Variants in FLNB observed in about 807,000 individuals in gnomAD.
FLNB encodes filamin-B.
In FLNB, 111 loss-of-function variants were observed where a neutral mutation model predicts 250.6. The observed-to-expected ratio is 0.44, with a 90% CI of 0.38 to 0.52. The LOEUF is 0.52. FLNB is among the 20% of genes least tolerant of loss of function. FLNB has a pLI of 0.00. For synonymous variants in FLNB, 1,302 were observed against 1,372.1 expected, an observed-to-expected ratio of 0.95 and a Z score of 1.13; for missense variants, 2,869 against 3,447.8, an observed-to-expected ratio of 0.83 and a Z score of 4.20.
At position 58,164,887 on chromosome 3, in the gene FLNB, A is replaced by C. The variant is rs1018757877; in HGVS notation, c.7198+1557A>C. On this transcript the variant is annotated intron_variant, in intron 43 of 45. Coordinates refer to ENST00000295956, the MANE Select transcript of FLNB (RefSeq NM_001457.4). This position sits in a 1 kb window ranked among gnomAD's most constrained non-coding sequence, Gnocchi z 4.0. Reference sequence around the variant, plus strand: ...AGGAGGCAGAACCAGGAATCAGTCTACATCCGTGACCTCAGAGCCTATGCG... The same window carrying C: ...AGGAGGCAGAACCAGGAATCAGTCTCCATCCGTGACCTCAGAGCCTATGCG... The C allele has an allele frequency of 6.6e-6, 1 of 152,552 alleles. No homozygotes were observed. Among genetic ancestry groups the C allele is most frequent in the Non-Finnish European group, 1.5e-5 (1 of 68,302 alleles). The allele number at this position is 152,552 out of a possible 1,614,324, so 9.4% of individuals were successfully genotyped here.
At chr3:58,064,069 A>G (rs1198599519) in intron 1 of FLNB, among the ~76,000 whole-genome samples, 1 of 152,148 alleles carries the variant, frequency 6.6e-6, no homozygotes, top group Non-Finnish European at 1.5e-5. Context: ...ATTTCAAGCC[A>G]ATTTAACTTT....
At chr3:58,039,310 TAAAAAAA>T (rs80189625) in intron 1 of FLNB, among the ~76,000 whole-genome samples, 1 of 128,340 alleles carries the variant, frequency 7.8e-6, no homozygotes, top group Non-Finnish European at 1.7e-5. Context: ...ATTTGATAGG[TAAAAAAA>T]AAAAAAAAGG....
At chr3:58,116,330 T>A (rs1385321482) in intron 18 of FLNB, among the ~76,000 whole-genome samples, 1 of 152,120 alleles carries the variant, frequency 6.6e-6, no homozygotes, top group Non-Finnish European at 1.5e-5. Flanking sequence ...AGTTTTAGGG[T>A]ATAACAGGCT....
intron 38 of FLNB, chr3:58,150,438 T>C: frequency 1.6e-6 from 1 of 612,624 alleles, no homozygotes; most frequent in Non-Finnish European, 2.9e-6. Context: ...CTTGCTACCT[T>C]TTTCCTCTTC....
At chr3:58,113,681 T>TA in intron 18 of FLNB, among the ~76,000 whole-genome samples, 1 of 152,314 alleles carries the variant, frequency 6.6e-6, no homozygotes, top group South Asian at 2.1e-4. Context: ...TTTTTATTTT[T>TA]ATTTATTTAT....
chr3:58,145,732 G>A (rs925423671), intron 32 of FLNB, among the ~76,000 whole-genome samples, 189 bp from the exon 33 acceptor site: 7 of 152,252 alleles, frequency 4.6e-5, no homozygotes, highest in Middle Eastern at 3.4e-3. Context: ...ATAATACTGC[G>A]TAGACCCTCT....
Position 58,148,583 on chromosome 3 carries a change from AGT to A in FLNB, c.5888-61_5888-60del, listed in dbSNP as rs1202823907. On this transcript the variant is annotated intron_variant, in intron 35 of 45. Coordinates refer to ENST00000295956, the MANE Select transcript of FLNB (RefSeq NM_001457.4). ...AAGAGGACATATTTCTATTTCTGAGAGTGTGTCTCTCTCCTGCTTCCTCTCCG... is the reference window on the plus strand; with the variant it reads ...AAGAGGACATATTTCTATTTCTGAGAGTGTCTCTCTCCTGCTTCCTCTCCG... 37 of 1,403,056 alleles carry A rather than the reference AGT, an allele frequency of 2.6e-5. 1 individual carries two copies. Among genetic ancestry groups the A allele is most frequent in the Middle Eastern group, 3.5e-4 (2 of 5,706 alleles). The allele number at this position is 1,403,056 out of a possible 1,614,324, so 86.9% of individuals were successfully genotyped here.
In FLNB at chr3:58,123,605, G is replaced by A. The variant is rs1305422553; in HGVS notation, c.3639G>A (p.Val1213=). 1 of 1,612,520 alleles carries A rather than the reference G, an allele frequency of 6.2e-7. No homozygotes were observed. The highest frequency in any genetic ancestry group is 1.7e-5 in the Admixed American group (1 of 59,920). The stretch of plus-strand genomic sequence containing the variant: ...CCATGAAGTATGGTGGCGAACTCGT[G>A]CCACACTTCCCCGCCCGGGTCAAGG... ...TLTMKYGGEL[V]PHFPARVKVE... Residue 1213 remains valine, a synonymous_variant, in exon 21 of 46, where the codon GTG becomes GTA. Coordinates refer to ENST00000295956, the MANE Select transcript of FLNB (RefSeq NM_001457.4).
chr3:58,152,766 T>A (rs1224229261), intron 38 of FLNB: 2 of 1,338,126 alleles, frequency 1.5e-6, no homozygotes, highest in African/African-American at 3.0e-5. Flanking sequence ...TGCAGTTTCA[T>A]ACTGGCTCTA....
At chr3:58,071,689 T>C (rs2097194830) in intron 1 of FLNB, among the ~76,000 whole-genome samples, 2 of 152,180 alleles carry the variant, frequency 1.3e-5, no homozygotes, top group African/African-American at 4.8e-5. Context: ...TGTGGAATAG[T>C]GTCTGTCCAT....
intron 4 of FLNB, among the ~76,000 whole-genome samples, chr3:58,084,410 T>TGTTAATGTGAGA (rs1244218709): frequency 6.6e-6 from 1 of 152,200 alleles, no homozygotes; most frequent in Non-Finnish European, 1.5e-5. Context: ...GCTTCCCTGT[T>TGTTAATGTGAGA]GTTAATGTGA....
At chr3:58,088,173 G>A (rs1445637054) in intron 4 of FLNB, among the ~76,000 whole-genome samples, 13 of 149,364 alleles carry the variant, frequency 8.7e-5, no homozygotes, top group African/African-American at 1.2e-4. Context: ...TCAGCCTCCC[G>A]AGTAGCTGAG....
intron 1 of FLNB, among the ~76,000 whole-genome samples, chr3:58,022,965 A>G (rs2097116260): frequency 6.7e-6 from 1 of 149,752 alleles, no homozygotes; most frequent in South Asian, 2.1e-4. Context: ...ATATAGTTGC[A>G]TGCCACCACA....
At chr3:58,123,018 A>G (rs1576757804) in intron 20 of FLNB, 75 bp from the exon 21 acceptor site, 2 of 1,306,384 alleles carry the variant, frequency 1.5e-6, no homozygotes, top group East Asian at 2.3e-5. Context: ...TGCTGATTAT[A>G]TGCATGGGTG....
chr3:58,159,680 G>A lies in FLNB; in HGVS notation c.7015G>A (p.Glu2339Lys). The change falls in exon 42 of 46, where the codon GAG becomes AAG. Residue 2339 changes from glutamate (E) to lysine (K), a missense_variant. Transcript: ENST00000295956. ...GGAGGAGTGCCACGTGTCTGAGCTG[G>A]AGCCAGGTGAGCAGGAGGCCTGCTG... ...AVEECHVSEL[E>K]PDKYAVRFIP... The A allele has an allele frequency of 1.9e-6, 3 of 1,613,262 alleles. No homozygotes were observed. Among genetic ancestry groups the A allele is most frequent in the Non-Finnish European group, 2.5e-6 (3 of 1,180,010 alleles).
intron 28 of FLNB, among the ~76,000 whole-genome samples, chr3:58,137,231 G>A (rs987743492): frequency 6.6e-6 from 1 of 152,192 alleles, no homozygotes; most frequent in Non-Finnish European, 1.5e-5. Flanking sequence ...GCAAGGTTGT[G>A]AATTGCTCAG....
chr3:58,060,716 G>A (rs2106879692), intron 1 of FLNB, among the ~76,000 whole-genome samples: 1 of 145,632 alleles, frequency 6.9e-6, no homozygotes, highest in Non-Finnish European at 1.5e-5. Flanking sequence ...TTGTGAGGCT[G>A]GGGCAGGAGG....
At chr3:58,150,361 C>G in intron 38 of FLNB, 134 bp downstream of exon 38, 2 of 954,712 alleles carry the variant, frequency 2.1e-6, no homozygotes, top group South Asian at 2.7e-5. Flanking sequence ...TTTCATTTCA[C>G]TTCATTTCAT....
intron 24 of FLNB, among the ~76,000 whole-genome samples, chr3:58,127,221 G>C (rs144958555): frequency 1.3e-5 from 2 of 152,050 alleles, no homozygotes; most frequent in Non-Finnish European, 2.9e-5. Flanking sequence ...TATGTGGGGT[G>C]GGGGCTGTGA....
Sources: allele counts gnomAD v4.1 joint callset (sites outside exome capture counted in the v4.1 genomes callset), GRCh38; gene constraint gnomAD v4.1.1; non-coding constraint Gnocchi (gnomAD v3.1); transcripts MANE v1.5; gene names NCBI Gene and HGNC (gene_info 2026-07-23, HGNC 2026-07-21).